PRDM2: variants seen among roughly 807,000 people sequenced by gnomAD.
PRDM2 encodes PR/SET domain 2, also known as PR domain zinc finger protein 2.
A neutral mutation model predicts 130.0 loss-of-function variants in PRDM2; 30 were observed. The ratio of observed to expected loss-of-function variants is 0.23; its 90% confidence interval spans 0.17 to 0.31. The LOEUF (loss-of-function observed/expected upper bound fraction) is 0.31. PRDM2 is among the 10% of genes least tolerant of loss of function. PRDM2 has a pLI of 1.00. For missense variants in PRDM2, 2,011 were observed against 2,108.4 expected (o/e 0.95, Z 0.90); for synonymous variants, 871 against 782.4 (o/e 1.11, Z -1.89).
chr1:13,746,383 T>C (rs964169809), intron 5 of PRDM2, among the ~76,000 whole-genome samples: 3 of 151,782 alleles, frequency 2.0e-5, no homozygotes, highest in Non-Finnish European at 4.4e-5. Flanking sequence ...AAACAAGCCT[T>C]GGTTTAAAAA....
intron 6 of PRDM2, among the ~76,000 whole-genome samples, chr1:13,751,428 C>T (rs1173981278): frequency 1.3e-5 from 2 of 151,888 alleles, no homozygotes; most frequent in African/African-American, 2.4e-5. Context: ...AAGACTTAAA[C>T]TTTGGAGAGT....
chr1:13,783,286 G>T (rs543819063), intron 8 of PRDM2: 1 of 398,172 alleles, frequency 2.5e-6, no homozygotes, highest in East Asian at 6.7e-5. Context: ...CATAGATCTA[G>T]TACCTGACAC....
chr1:13,736,944 A>G (rs1557608956), intron 4 of PRDM2, among the ~76,000 whole-genome samples: 1 of 152,260 alleles, frequency 6.6e-6, no homozygotes, highest in Non-Finnish European at 1.5e-5. Context: ...TTGTCTCTGT[A>G]TAATGAGAAG....
At chr1:13,759,089 T>C (rs1051173837) in intron 6 of PRDM2, among the ~76,000 whole-genome samples, 1 of 152,102 alleles carries the variant, frequency 6.6e-6, no homozygotes, top group Non-Finnish European at 1.5e-5. Context: ...TTACCAGTTA[T>C]GGAGAGTAGC....
At chr1:13,775,765 C>T (rs774213991) in intron 7 of PRDM2, among the ~76,000 whole-genome samples, 1 of 152,160 alleles carries the variant, frequency 6.6e-6, no homozygotes, top group African/African-American at 2.4e-5. Context: ...TCTGCCTCCA[C>T]TGCCTCTTCC....
chr1:13,782,315 A>G lies in PRDM2; in HGVS notation c.4520A>G (p.Lys1507Arg). ...CACTCATCACCTGCAAGTAGTGACA[A>G]AAACAGTAACAGCAACCACCGCAGA... ...GGHSSPASSD[K>R]NSNSNHRRRT... The change falls in exon 8 of 10, where the codon AAA becomes AGA. Residue 1507 changes from lysine (K) to arginine (R), a missense_variant. Transcript: ENST00000311066. 6.2e-7 allele frequency: 1 copy of G among 1,613,946 alleles called. No homozygotes were observed. The highest frequency in any genetic ancestry group is 8.5e-7 in the Non-Finnish European group (1 of 1,179,972).
At chr1:13,766,623 G>A (rs1307921890) in intron 6 of PRDM2, among the ~76,000 whole-genome samples, 1 of 152,164 alleles carries the variant, frequency 6.6e-6, no homozygotes, top group Non-Finnish European at 1.5e-5. Flanking sequence ...ACCATTCATG[G>A]TACAGCTGTG....
chr1:13,751,396 T>A lies in PRDM2; in HGVS notation c.511+1909T>A, dbSNP rs560609730. 5.7e-3 allele frequency among the ~76,000 whole-genome samples: 870 copies of A among 152,322 alleles called. 4 individuals are homozygous for A. Among genetic ancestry groups the A allele is most frequent in the Non-Finnish European group, 8.3e-3 (567 of 68,022 alleles). ...AGTCTGTTTTTAACAGCTTACTGGT[T>A]AAAGAGACCTATTTGCTCTTTAAGA... On this transcript the variant is annotated intron_variant, in intron 6 of 9. Transcript: ENST00000311066.
At chr1:13,736,215 C>T (rs750297882) in intron 4 of PRDM2, among the ~76,000 whole-genome samples, 1 of 150,890 alleles carries the variant, frequency 6.6e-6, no homozygotes, top group Non-Finnish European at 1.5e-5. Flanking sequence ...CCCAAGTGAT[C>T]TTCCTGCCTC....
chr1:13,717,424 T>C (rs1642577374), intron 2 of PRDM2: 1 of 985,288 alleles, frequency 1.0e-6, no homozygotes, highest in African/African-American at 1.7e-5. Flanking sequence ...GTTAGAATGG[T>C]TGTGAGTTCT....
chr1:13,802,509 C>A (rs1473264647), intron 8 of PRDM2, among the ~76,000 whole-genome samples: 1 of 152,230 alleles, frequency 6.6e-6, no homozygotes, highest in Non-Finnish European at 1.5e-5. Context: ...GCAGATGCCA[C>A]ATGAGGCTTC....
chr1:13,803,358 G>C lies in PRDM2; in HGVS notation c.5037-13069G>C, dbSNP rs1011703104. 6.6e-6 allele frequency among the ~76,000 whole-genome samples: 1 copy of C among 152,062 alleles called. No homozygotes were observed. The highest frequency in any genetic ancestry group is 1.5e-5 in the Non-Finnish European group (1 of 68,004). On this transcript the variant is annotated intron_variant, in intron 8 of 9. Transcript: ENST00000311066. This position sits in a 1 kb window ranked among gnomAD's most constrained non-coding sequence, Gnocchi z 6.2. Reference sequence around the variant, plus strand: ...CTTTGCTAGGCCCCGTGGCAGGTTCGATGGGTGAGAAGTGAATAGACTCCA... The same window carrying C: ...CTTTGCTAGGCCCCGTGGCAGGTTCCATGGGTGAGAAGTGAATAGACTCCA...
At chr1:13,793,753 C>A (rs371002835) in intron 8 of PRDM2, among the ~76,000 whole-genome samples, 68 of 152,094 alleles carry the variant, frequency 4.5e-4, no homozygotes, top group African/African-American at 1.6e-3. Context: ...GCTTCCCTGG[C>A]CCACGTTGGA....
Position 13,780,623 on chromosome 1 carries a change from A to G in PRDM2, c.2828A>G (p.Asp943Gly). ...GCCCCTACTGTTGAGTCCACACCTG[A>G]TGTTTGTCCTTCATCACCTGCCCTG... Reference protein sequence around the residue: ...FPAPTVESTPDVCPSSPALQT... With the variant: ...FPAPTVESTPGVCPSSPALQT... Residue 943 changes from aspartate (D) to glycine (G), a missense_variant, in exon 8 of 10, where the codon GAT becomes GGT. Around this residue, in one of 5 missense-constraint regions of PRDM2, gnomAD observed 1,288 missense variants for 1,237.7 expected, o/e 1.04. Transcript: ENST00000311066. 3 of 1,613,510 alleles carry G rather than the reference A, an allele frequency of 1.9e-6. No individual in the cohort carries two copies. The highest frequency in any genetic ancestry group is 4.5e-5 in the East Asian group (2 of 44,856).
chr1:13,797,710 G>GGA (rs1365015080), intron 8 of PRDM2, among the ~76,000 whole-genome samples: 1 of 152,146 alleles, frequency 6.6e-6, no homozygotes, highest in Non-Finnish European at 1.5e-5. Flanking sequence ...TGTTTGCTCA[G>GGA]TGGACCACCT....
intron 6 of PRDM2, among the ~76,000 whole-genome samples, chr1:13,762,762 G>A (rs530038204): frequency 2.7e-4 from 41 of 152,200 alleles, no homozygotes; most frequent in Non-Finnish European, 4.9e-4. Flanking sequence ...TCCACAGCGC[G>A]CGCTCCTCAG....
At chr1:13,742,958 AAAG>A (rs140000491) in intron 5 of PRDM2, among the ~76,000 whole-genome samples, 23,275 of 152,124 alleles carry the variant, frequency 0.15, 2,225 homozygotes, top group Non-Finnish European at 0.22. Flanking sequence ...TAATTGTTGA[AAAG>A]AAGAAGAAAG....
At chr1:13,818,237 A>AGTCGTTTG (rs1356221486) in intron 9 of PRDM2, among the ~76,000 whole-genome samples, 1 of 152,188 alleles carries the variant, frequency 6.6e-6, no homozygotes, top group African/African-American at 2.4e-5. Context: ...CACCAACCAG[A>AGTCGTTTG]GTCGTTTGGA....
At position 13,788,156 on chromosome 1, in the gene PRDM2, A is replaced by G. The variant is rs1258745158; in HGVS notation, c.5036+5325A>G. 3 of 906,954 alleles carry G rather than the reference A, an allele frequency of 3.3e-6. No homozygotes were observed. In the African/African-American group the frequency reaches 5.4e-5, roughly 16 times the overall value. 56.2% of individuals were successfully genotyped at this position (906,954 alleles called of 1,614,324 possible). A position where few individuals can be genotyped will look rare whatever the true frequency, so the allele number is the denominator to read the frequency against. Reference sequence around the variant, plus strand: ...ACAAGGTGTGTGTGGAGGATTGTTCAGAGCCCGCACTCTAATTTAAAAGTG... The same window carrying G: ...ACAAGGTGTGTGTGGAGGATTGTTCGGAGCCCGCACTCTAATTTAAAAGTG... On this transcript the variant is annotated intron_variant, in intron 8 of 9. Coordinates refer to ENST00000311066, the MANE Select transcript of PRDM2 (RefSeq NM_001393986.1).
Sources: gnomAD v4.1 joint callset for allele counts (sites outside exome capture counted in the v4.1 genomes callset) on GRCh38, gnomAD v4.1.1 for gene constraint, gnomAD v4.1.1 regional missense constraint, Gnocchi (gnomAD v3.1) non-coding constraint, MANE v1.5 for transcripts, NCBI Gene and HGNC (gene_info 2026-07-23, HGNC 2026-07-21) for gene names.